The following MRPL24 variants were observed in gnomAD, a reference collection of about 807,000 sequenced individuals.
MRPL24 encodes mitochondrial ribosomal protein L24, also known as large ribosomal subunit protein uL24m.
In MRPL24, 15 loss-of-function variants were observed where a neutral mutation model predicts 26.9. That is an observed-to-expected ratio of 0.56 (90% confidence interval 0.37 to 0.86). The LOEUF is 0.86. Among genes scored for constraint, MRPL24 ranks in the 40% least tolerant of loss-of-function variants. The pLI, the probability that MRPL24 is intolerant of heterozygous loss-of-function variation, is 0.00. For missense variants in MRPL24, 241 were observed against 281.4 expected (o/e 0.86, Z 1.03); for synonymous variants, 92 against 102.4 (o/e 0.90, Z 0.62).
chr1:156,740,125 T>C (rs963381023), intron 1 of MRPL24, among the ~76,000 whole-genome samples: 7 of 152,178 alleles, frequency 4.6e-5, no homozygotes, highest in Non-Finnish European at 1.0e-4. Context: ...CCAGCACAGT[T>C]ATATTTATGG....
At chr1:156,741,295 G>A (rs1468673595), upstream of MRPL24, 2 of 152,252 alleles carry the variant, frequency 1.3e-5, no homozygotes, top group Non-Finnish European at 2.9e-5. Context: ...GGAATCGAAA[G>A]GCAAGCTGGT....
intron 1 of MRPL24, among the ~76,000 whole-genome samples, chr1:156,739,928 G>A (rs1042743253): frequency 6.6e-6 from 1 of 152,046 alleles, no homozygotes; most frequent in Non-Finnish European, 1.5e-5. Flanking sequence ...TGGCCTCCCA[G>A]AGTACTGGGA....
At chr1:156,740,371 A>AC (rs1206012575) in intron 1 of MRPL24, 2 of 152,012 alleles carry the variant, frequency 1.3e-5, no homozygotes, top group Admixed American at 6.6e-5. Flanking sequence ...AACAAAAAAA[A>AC]ACCCCACCTG....
chr1:156,737,519 G>T lies in MRPL24; in HGVS notation c.530C>A (p.Thr177Lys). ...TCTTTCTAAAGCATCTTCCACTGAT[G>T]TGTCTTTGGGGCCATCTGTTAAGCC... The part of the protein sequence containing the change: ...PETWIDGPKD[T>K]SVEDALERTY... Residue 177 changes from threonine to lysine, a missense_variant, in exon 6 of 6, where the codon ACA becomes AAA. Coordinates refer to ENST00000361531, the MANE Select transcript of MRPL24 (RefSeq NM_145729.3). 6.2e-7 allele frequency: 1 copy of T among 1,607,062 alleles called. No individual in the cohort carries two copies. The highest frequency in any genetic ancestry group is 8.5e-7 in the Non-Finnish European group (1 of 1,176,856).
chr1:156,741,995 G>A (rs967362173), upstream of MRPL24: 9 of 152,636 alleles, frequency 5.9e-5, no homozygotes, highest in Non-Finnish European at 1.0e-4. Flanking sequence ...AATGGAGGAG[G>A]TTGACACCCT....
chr1:156,738,073 G>GGGGCTTCACTAGGGATCATGGTTC lies in MRPL24; in HGVS notation c.317_340dup (p.Ala113_Pro114insArgThrMetIleProSerGluAla), dbSNP rs1274188584. 2 of 1,614,124 alleles carry GGGGCTTCACTAGGGATCATGGTTC rather than the reference G, an allele frequency of 1.2e-6. No homozygotes were observed. The highest frequency in any genetic ancestry group is 1.7e-6 in the Non-Finnish European group (2 of 1,180,012). On this transcript the variant is annotated inframe_insertion, in exon 4 of 6. Transcript: ENST00000361531. ...AAGTTTGACCTGGCGGTGGAGCAAG[G>GGGGCTTCACTAGGGATCATGGTTC]GGGCTTCACTAGGGATCATGGTTCC...
rs753118570 is a variant in MRPL24, at chr1:156,737,758, C to G, written c.402G>C (p.Glu134Asp). The part of the protein sequence containing the change: ...DPMDRKPTEI[E>D]WRFTEAGERV... Reference sequence around the variant, plus strand: ...GCTCTCCTGCTTCAGTAAATCTCCACTCGATCTCAGTGGGTTTCCTGGTGG... The same window carrying G: ...GCTCTCCTGCTTCAGTAAATCTCCAGTCGATCTCAGTGGGTTTCCTGGTGG... Residue 134 changes from glutamate to aspartate, a missense_variant, in exon 5 of 6, where the codon GAG becomes GAC. Coordinates refer to ENST00000361531, the MANE Select transcript of MRPL24 (RefSeq NM_145729.3). 1 of 1,614,206 alleles carries G rather than the reference C, an allele frequency of 6.2e-7. No homozygotes were observed. Among genetic ancestry groups the G allele is most frequent in the South Asian group, 1.1e-5 (1 of 91,082 alleles).
chr1:156,738,846 C>G, intron 1 of MRPL24, 82 bp from the exon 2 acceptor site: 1 of 665,102 alleles, frequency 1.5e-6, no homozygotes, highest in Non-Finnish European at 2.5e-6. Context: ...CTCAATGGAC[C>G]TCATCACATT....
At chr1:156,739,741 G>A (rs553679945) in intron 1 of MRPL24, among the ~76,000 whole-genome samples, 3 of 149,672 alleles carry the variant, frequency 2.0e-5, no homozygotes, top group African/African-American at 7.4e-5. Flanking sequence ...AGCTCACCAC[G>A]ACCTCTGCGT....
At position 156,738,411 on chromosome 1, in the gene MRPL24, C is replaced by G; in HGVS notation, c.211G>C (p.Gly71Arg). 6.2e-6 allele frequency: 10 copies of G among 1,614,134 alleles called. No homozygotes were observed. The highest frequency in any genetic ancestry group is 8.5e-6 in the Non-Finnish European group (10 of 1,180,020). Reference sequence around the variant, plus strand: ...ACTTGAACCACTTTGCCCTGCTTCCCGGCATCCTTGCCTTCTAGGATCTCC... The same window carrying G: ...ACTTGAACCACTTTGCCCTGCTTCCGGGCATCCTTGCCTTCTAGGATCTCC... Reference protein sequence around the residue: ...TVEILEGKDAGKQGKVVQVIR... With the variant: ...TVEILEGKDARKQGKVVQVIR... The change falls in exon 3 of 6, where the codon GGG becomes CGG. Residue 71 changes from glycine to arginine, a missense_variant. Gly to Arg is a moderately radical substitution (Grantham distance 125). Transcript: ENST00000361531.
Position 156,737,329 on chromosome 1 carries a change from T to C in MRPL24, c.*69A>G. On this transcript the variant is annotated 3_prime_UTR_variant, in exon 6 of 6. Coordinates refer to ENST00000361531, the MANE Select transcript of MRPL24 (RefSeq NM_145729.3). ...ACTCATAAAGTGCTCTTTATTGGCA[T>C]CTGAAAAAGAAGTGCCTCAGCCTTC... is the stretch of plus-strand genomic sequence containing the variant. The C allele has an allele frequency of 6.7e-7, 1 of 1,503,042 alleles. No homozygotes were observed. Among genetic ancestry groups the C allele is most frequent in the South Asian group, 1.3e-5 (1 of 74,140 alleles). The allele number at this position is 1,503,042 out of a possible 1,614,324, so 93.1% of individuals were successfully genotyped here. A position where few individuals can be genotyped will look rare whatever the true frequency, so the allele number is the denominator to read the frequency against.
rs1426133987 is a variant in MRPL24, at chr1:156,741,087, A to G, written c.-136T>C. On this transcript the variant is annotated 5_prime_UTR_variant, in exon 1 of 6. An upstream start codon of the reference 5' UTR is lost. Coordinates refer to ENST00000361531, the MANE Select transcript of MRPL24 (RefSeq NM_145729.3). Reference sequence around the variant, plus strand: ...CCGCGGCACTTCGGATTTTCAGCACATGGGCCCTCAGCGTCCCCTCCCCCG... The same window carrying G: ...CCGCGGCACTTCGGATTTTCAGCACGTGGGCCCTCAGCGTCCCCTCCCCCG... 1 of 152,164 alleles carries G rather than the reference A, an allele frequency of 6.6e-6. No individual in the cohort carries two copies. Among genetic ancestry groups the G allele is most frequent in the Non-Finnish European group, 1.5e-5 (1 of 68,054 alleles). The allele number at this position is 152,164 out of a possible 1,614,324, so 9.4% of individuals were successfully genotyped here.
rs1649921017 is a variant in MRPL24 at position 156,737,719 on chromosome 1, G to A, written c.441C>T (p.Ser147=). 1.2e-6 allele frequency: 2 copies of A among 1,613,996 alleles called. No homozygotes were observed. The highest frequency in any genetic ancestry group is 4.5e-5 in the East Asian group (2 of 44,886). Residue 147 remains serine, a synonymous_variant, in exon 5 of 6, where the codon TCC becomes TCT. Transcript: ENST00000361531. ...TAGGGATAATTCTCCCTGATCGTGT[G>A]GAGACTCGTACCCGCTCTCCTGCTT... ...FTEAGERVRV[S]TRSGRIIPKP... is the part of the protein sequence containing the mutation.
rs1209753057 is a variant in MRPL24, at chr1:156,738,104, A to T, written c.310T>A (p.Tyr104Asn). The change falls in exon 4 of 6, where the codon TAC (tyrosine) becomes AAC (asparagine). Residue 104 changes from tyrosine to asparagine, a missense_variant. Physicochemically the swap from Tyr to Asn is moderately radical, Grantham distance 143. Transcript: ENST00000361531. The stretch of plus-strand genomic sequence containing the variant: ...TCACTAGGGATCATGGTTCCCCGGT[A>T]ATCCATGGTCTTGCCAATGTAGCGG... ...HYRYIGKTMD[Y>N]RGTMIPSEAP... 1 of 1,614,036 alleles carries T rather than the reference A, an allele frequency of 6.2e-7. No homozygotes were observed. The highest frequency in any genetic ancestry group is 1.7e-5 in the Admixed American group (1 of 60,006).
intron 4 of MRPL24, 28 bp from the exon 5 acceptor site, chr1:156,737,804 C>T: frequency 1.2e-6 from 2 of 1,610,608 alleles, no homozygotes; most frequent in Non-Finnish European, 1.7e-6. Context: ...TGAGCCTGGC[C>T]TACGAGCCAG....
In MRPL24 at chr1:156,737,492, G is replaced by T; in HGVS notation, c.557C>A (p.Thr186Asn). 3.1e-6 allele frequency: 5 copies of T among 1,611,830 alleles called. No homozygotes were observed. The highest frequency in any genetic ancestry group is 4.2e-6 in the Non-Finnish European group (5 of 1,179,042). Residue 186 changes from threonine (T) to asparagine (N), a missense_variant, in exon 6 of 6, where the codon ACC becomes AAC. Transcript: ENST00000361531. ...CAGTGTCTTTAGACAGGGCACATAG[G>T]TTCTTTCTAAAGCATCTTCCACTGA... ...DTSVEDALER[T>N]YVPCLKTLQE...
At position 156,741,006 on chromosome 1, in the gene MRPL24, C is replaced by G. The variant is rs1650082116; in HGVS notation, c.-61+6G>C. On this transcript the variant is annotated splice_donor_region_variant and intron_variant, in intron 1 of 5. Transcript: ENST00000361531. ...GGCCAGGGAAAAGGATAGGCTCTTC[C>G]CGCACCTGCCTCTCGGACGGGCACC... 6.6e-6 allele frequency: 1 copy of G among 152,258 alleles called. No individual in the cohort carries two copies. Among genetic ancestry groups the G allele is most frequent in the South Asian group, 2.1e-4 (1 of 4,836 alleles). The allele number at this position is 152,258 out of a possible 1,614,324, so 9.4% of individuals were successfully genotyped here. A position where few individuals can be genotyped will look rare whatever the true frequency, so the allele number is the denominator to read the frequency against.
intron 1 of MRPL24, 67 bp from the exon 2 acceptor site, chr1:156,738,831 T>C: frequency 1.3e-6 from 1 of 754,806 alleles, no homozygotes; most frequent in Non-Finnish European, 2.1e-6. Context: ...GCACTTACTC[T>C]ATTGCTCAAT....
intron 1 of MRPL24, chr1:156,740,784 C>T (rs894276733): frequency 1.3e-5 from 2 of 152,368 alleles, no homozygotes; most frequent in African/African-American, 2.4e-5. Context: ...GGTGAGCGTC[C>T]CGCAGTGGGG....
Sources: gnomAD v4.1 joint callset for allele counts (sites outside exome capture counted in the v4.1 genomes callset) on GRCh38, gnomAD v4.1.1 for gene constraint, MANE v1.5 for transcripts, NCBI Gene and HGNC (gene_info 2026-07-23, HGNC 2026-07-21) for gene names.